The following FARP1 variants were observed in gnomAD, a reference collection of about 807,000 sequenced individuals.
FARP1 encodes the protein FERM, ARHGEF and pleckstrin domain-containing protein 1.
FARP1 carries 52 observed loss-of-function variants against 128.8 expected under a neutral mutation model. That is an observed-to-expected ratio of 0.40 (90% CI 0.32 to 0.51). The LOEUF is 0.51. Ranked by LOEUF, FARP1 falls within the 20% of genes least tolerant of loss-of-function variation. The pLI, the probability that FARP1 is intolerant of heterozygous loss-of-function variation, is 0.45. For missense variants in FARP1, 1,333 were observed against 1,367.9 expected, an observed-to-expected ratio of 0.97 and a Z score of 0.40; for synonymous variants, 580 against 551.8, an observed-to-expected ratio of 1.05 and a Z score of -0.72.
Position 98,453,385 on chromosome 13 carries a change from A to T in FARP1, c.*5068A>T. 1.6e-6 allele frequency: 1 copy of T among 635,840 alleles called. No homozygotes were observed. 39.4% of individuals were successfully genotyped at this position (635,840 alleles called of 1,614,324 possible). On this transcript the variant is annotated 3_prime_UTR_variant, in exon 27 of 27. Coordinates refer to ENST00000319562, the MANE Select transcript of FARP1 (RefSeq NM_005766.4). The stretch of plus-strand genomic sequence containing the variant: ...AAAAGAATGCATATAAAGACTGAGA[A>T]GATCATGATTCTTACACAAAAACTC...
intron 3 of FARP1, among the ~76,000 whole-genome samples, chr13:98,362,563 A>ACATATTGG (rs1888915743): frequency 6.6e-6 from 1 of 152,146 alleles, no homozygotes; most frequent in South Asian, 2.1e-4. Context: ...TCCATGGTGG[A>ACATATTGG]CATATTGGCC....
At chr13:98,436,090 T>C (rs1892257477) in intron 19 of FARP1, 1 of 282,316 alleles carries the variant, frequency 3.5e-6, no homozygotes, top group Non-Finnish European at 7.2e-6. Flanking sequence ...CATTAAATTA[T>C]GCTAGAAATT....
At chr13:98,394,466 C>T (rs1256319140) in intron 12 of FARP1, among the ~76,000 whole-genome samples, 3 of 152,310 alleles carry the variant, frequency 2.0e-5, no homozygotes, top group South Asian at 4.1e-4. Flanking sequence ...CTGGAGACCC[C>T]CTGTGGGCTG....
At chr13:98,365,969 G>T (rs1281015196) in intron 4 of FARP1, among the ~76,000 whole-genome samples, 1 of 151,786 alleles carries the variant, frequency 6.6e-6, no homozygotes, top group Admixed American at 6.6e-5. Flanking sequence ...TATGCATTTA[G>T]ACTGTGTGTT....
chr13:98,205,307 T>C (rs1880198494), intron 1 of FARP1, among the ~76,000 whole-genome samples: 1 of 152,140 alleles, frequency 6.6e-6, no homozygotes, highest in Admixed American at 6.5e-5. Context: ...GCTTTTTTTT[T>C]CCTGTTCTAT....
At chr13:98,258,505 A>G (rs1335081314) in intron 2 of FARP1, among the ~76,000 whole-genome samples, 1 of 152,188 alleles carries the variant, frequency 6.6e-6, no homozygotes, top group Non-Finnish European at 1.5e-5. Flanking sequence ...GTTTAATTTG[A>G]TAAAGTTTCC....
intron 2 of FARP1, among the ~76,000 whole-genome samples, chr13:98,284,062 A>G (rs1359847305): frequency 2.6e-5 from 4 of 152,248 alleles, no homozygotes; most frequent in Admixed American, 2.0e-4. Flanking sequence ...TGGCTGCCAT[A>G]TTGGACAGTG....
rs550161079 is a variant in FARP1 at position 98,425,156 on chromosome 13, C to G, written c.1905+506C>G. 2.0e-5 allele frequency among the ~76,000 whole-genome samples: 3 copies of G among 151,228 alleles called. No individual in the cohort carries two copies. In the East Asian group the frequency reaches 5.8e-4, roughly 29 times the overall value. ...AGGTTTTTTTGTTTCAAAAGTTTTG[C>G]ATTATACCCAAAACAAGTGTTTTCT... On this transcript the variant is annotated intron_variant, in intron 17 of 26. Coordinates refer to ENST00000319562, the MANE Select transcript of FARP1 (RefSeq NM_005766.4).
At position 98,343,426 on chromosome 13, in the gene FARP1, AC is replaced by A. The variant is rs1440560261; in HGVS notation, c.172-335del. Among the ~76,000 whole-genome samples the A allele has an allele frequency of 2.0e-5, 3 of 152,234 alleles. No homozygotes were observed. In the East Asian group the frequency reaches 5.8e-4, roughly 29 times the overall value. On this transcript the variant is annotated intron_variant, in intron 2 of 26. Transcript: ENST00000319562. ...CTCTACCACCAAGGTTAATAACGGG[AC>A]ACTGTGTAGCGCGAAGAAGTTTTTG...
Position 98,450,351 on chromosome 13 carries a change from A to AATTG in FARP1, c.*2035_*2036insTTGA, listed in dbSNP as rs1893128617. 6.6e-6 allele frequency: 1 copy of AATTG among 152,230 alleles called. No homozygotes were observed. The highest frequency in any genetic ancestry group is 6.5e-5 in the Admixed American group (1 of 15,286). The allele number at this position is 152,230 out of a possible 1,614,324, so 9.4% of individuals were successfully genotyped here. A position where few individuals can be genotyped will look rare whatever the true frequency, so the allele number is the denominator to read the frequency against. ...GAGGGAAATATAAAAAATGTTTATA[A>AATTG]ACTGACAGTGTTTTGCCAGAGGAAA... On this transcript the variant is annotated 3_prime_UTR_variant, in exon 27 of 27. Transcript: ENST00000319562.
At chr13:98,295,906 A>T (rs1885665900) in intron 2 of FARP1, among the ~76,000 whole-genome samples, 1 of 152,206 alleles carries the variant, frequency 6.6e-6, no homozygotes, top group African/African-American at 2.4e-5. Context: ...AAGAAATTAA[A>T]GAGCCATAAT....
chr13:98,351,986 T>C (rs528525459), intron 3 of FARP1, among the ~76,000 whole-genome samples: 21 of 151,940 alleles, frequency 1.4e-4, no homozygotes, highest in Non-Finnish European at 2.6e-4. Context: ...AAAGAAAAAA[T>C]ACATAGAAAT....
intron 19 of FARP1, among the ~76,000 whole-genome samples, chr13:98,436,510 T>A (rs1892276626): frequency 6.6e-6 from 1 of 152,248 alleles, no homozygotes; most frequent in South Asian, 2.1e-4. Context: ...GCTGCTTTGA[T>A]CTGCTGCTGC....
At chr13:98,247,134 C>T (rs144079027) in intron 2 of FARP1, among the ~76,000 whole-genome samples, 3 of 152,256 alleles carry the variant, frequency 2.0e-5, no homozygotes, top group African/African-American at 7.2e-5. Flanking sequence ...CCCAGCTATT[C>T]GGGAGGCTGA....
At chr13:98,322,302 A>G (rs957403033) in intron 2 of FARP1, among the ~76,000 whole-genome samples, 8 of 152,194 alleles carry the variant, frequency 5.3e-5, no homozygotes, top group South Asian at 4.1e-4. Flanking sequence ...CCGTCTCAAA[A>G]ACAAACAAAC....
At chr13:98,288,719 C>T (rs901491307) in intron 2 of FARP1, among the ~76,000 whole-genome samples, 3 of 152,160 alleles carry the variant, frequency 2.0e-5, no homozygotes, top group Admixed American at 1.3e-4. Context: ...GTTTTGATGG[C>T]GGTAACAGCA....
At chr13:98,230,812 G>GTA (rs1294453716) in intron 2 of FARP1, among the ~76,000 whole-genome samples, 1 of 152,176 alleles carries the variant, frequency 6.6e-6, no homozygotes, top group African/African-American at 2.4e-5. Flanking sequence ...GTTAGCAGGT[G>GTA]TATTAGTCTG....
intron 5 of FARP1, among the ~76,000 whole-genome samples, chr13:98,370,948 A>T (rs1179290565): frequency 6.6e-6 from 1 of 152,084 alleles, no homozygotes; most frequent in African/African-American, 2.4e-5. Context: ...TCTGCACAGG[A>T]CTGAGGGCTG....
intron 3 of FARP1, among the ~76,000 whole-genome samples, chr13:98,359,717 C>T (rs115198358): frequency 0.024 from 3,634 of 152,240 alleles, 153 homozygotes; most frequent in African/African-American, 0.083. Context: ...GCACAGTAAG[C>T]GGTTGTGCAG....
Sources: gnomAD v4.1 joint callset for allele counts (sites outside exome capture counted in the v4.1 genomes callset) on GRCh38, gnomAD v4.1.1 for gene constraint, MANE v1.5 for transcripts, NCBI Gene and HGNC (gene_info 2026-07-23, HGNC 2026-07-21) for gene names.